The following CD44 variants were observed in gnomAD, a reference collection of about 807,000 sequenced individuals.
CD44 encodes the protein CD44 antigen.
CD44 carries 49 observed loss-of-function variants against 88.8 expected under a neutral mutation model. That is an observed-to-expected ratio of 0.55 (90% CI 0.44 to 0.70). The LOEUF is 0.70. Ranked by LOEUF, CD44 falls within the 30% of genes least tolerant of loss-of-function variation. The pLI is 0.00. For synonymous variants in CD44, 325 were observed against 312.3 expected (o/e 1.04, Z -0.43); for missense variants, 883 against 913.8 (o/e 0.97, Z 0.43).
chr11:35,205,921 G>A (rs1055547216), intron 10 of CD44, 191 bp from the exon 11 acceptor site: 1 of 1,238,864 alleles, frequency 8.1e-7, no homozygotes, highest in South Asian at 3.0e-5. Context: ...TTGCTAAGAA[G>A]AAAATGAGCA....
intron 1 of CD44, among the ~76,000 whole-genome samples, chr11:35,154,357 C>G (rs1418965203): frequency 6.6e-6 from 1 of 152,164 alleles, no homozygotes; most frequent in African/African-American, 2.4e-5. Context: ...GAATGTACAA[C>G]CATTTGGCTC....
intron 17 of CD44, among the ~76,000 whole-genome samples, chr11:35,224,932 G>A (rs1022648623): frequency 7.9e-5 from 12 of 152,070 alleles, no homozygotes; most frequent in South Asian, 2.1e-4. Context: ...TCTACGCATC[G>A]CCATAATTTA....
chr11:35,147,628 T>TC (rs397788402), intron 1 of CD44, among the ~76,000 whole-genome samples: 6 of 151,754 alleles, frequency 4.0e-5, no homozygotes, highest in Non-Finnish European at 8.8e-5. Flanking sequence ...TTTTTTTTTT[T>TC]CAATTTTAGT....
rs1950011383 is a variant in CD44, at chr11:35,230,563, C to T, written c.*1230C>T. On this transcript the variant is annotated 3_prime_UTR_variant, in exon 18 of 18. Coordinates refer to ENST00000428726, the MANE Select transcript of CD44 (RefSeq NM_000610.4). ...ATGGCTGTATTTGTAAACTTAAACACACCAGTGTCTGTTCTTGATGCAGTT... is the reference window on the plus strand; with the variant it reads ...ATGGCTGTATTTGTAAACTTAAACATACCAGTGTCTGTTCTTGATGCAGTT... The T allele has an allele frequency of 1.3e-5, 2 of 152,204 alleles. No individual in the cohort carries two copies. Among genetic ancestry groups the T allele is most frequent in the South Asian group, 2.1e-4 (1 of 4,832 alleles). 9.4% of individuals were successfully genotyped at this position (152,204 alleles called of 1,614,324 possible).
chr11:35,199,050 A>G lies in CD44; in HGVS notation c.922+804A>G, dbSNP rs367921757. Among the ~76,000 whole-genome samples the G allele has an allele frequency of 2.6e-5, 4 of 152,126 alleles. No homozygotes were observed. The South Asian group carries it at 8.3e-4, about 32-fold the overall frequency. On this transcript the variant is annotated intron_variant, in intron 7 of 17. Coordinates refer to ENST00000428726, the MANE Select transcript of CD44 (RefSeq NM_000610.4). ...TGATGGGAGCTAGAACTCAAGAATT[A>G]TCTTAGTTAATCAAAGCCCAGCTGA...
chr11:35,158,710 A>C (rs994428849), intron 1 of CD44, among the ~76,000 whole-genome samples: 5 of 152,238 alleles, frequency 3.3e-5, no homozygotes, highest in African/African-American at 1.2e-4. Context: ...ATTAGCCAAT[A>C]AACTCTCATT....
In CD44 at chr11:35,176,232, C is replaced by A. The variant is rs1276982986; in HGVS notation, c.68-343C>A. Among the ~76,000 whole-genome samples the A allele has an allele frequency of 2.0e-5, 3 of 152,098 alleles. No individual in the cohort carries two copies. In the South Asian group the frequency reaches 6.2e-4, roughly 32 times the overall value. On this transcript the variant is annotated intron_variant, in intron 1 of 17. Coordinates refer to ENST00000428726, the MANE Select transcript of CD44 (RefSeq NM_000610.4). Reference sequence around the variant, plus strand: ...TAATTTTTTATATTTTTAGTAGAGACGGGGTTTCACCGTGTTAGCCAGGAT... The same window carrying A: ...TAATTTTTTATATTTTTAGTAGAGAAGGGGTTTCACCGTGTTAGCCAGGAT...
At chr11:35,198,082 G>T in intron 6 of CD44, 39 bp from the exon 7 acceptor site, 5 of 1,594,458 alleles carry the variant, frequency 3.1e-6, no homozygotes, top group Non-Finnish European at 4.3e-6. Flanking sequence ...TGGGTTGCTT[G>T]GCGTCCAGCT....
At chr11:35,201,223 G>C (rs1013383967) in intron 8 of CD44, 28 bp downstream of exon 8, 2 of 1,501,510 alleles carry the variant, frequency 1.3e-6, no homozygotes, top group Admixed American at 3.3e-5. Context: ...TTTAATGAAA[G>C]ATTTTTTTCC....
At chr11:35,142,257 A>G (rs1333894926) in intron 1 of CD44, among the ~76,000 whole-genome samples, 2 of 152,030 alleles carry the variant, frequency 1.3e-5, no homozygotes, top group African/African-American at 4.8e-5. Context: ...TTCCTCAGGG[A>G]TCTAGAACTA....
chr11:35,214,799 T>G, intron 14 of CD44, 53 bp from the exon 15 acceptor site: 2 of 992,246 alleles, frequency 2.0e-6, no homozygotes. Flanking sequence ...GAAATGCAGA[T>G]GGGAGTGTAA....
intron 12 of CD44, among the ~76,000 whole-genome samples, chr11:35,209,202 A>T (rs1235047896): frequency 1.3e-5 from 2 of 152,144 alleles, no homozygotes; most frequent in Non-Finnish European, 2.9e-5. Flanking sequence ...TCAGGTCAGT[A>T]CCTTTCTTAA....
At chr11:35,159,105 G>A (rs1291634128) in intron 1 of CD44, among the ~76,000 whole-genome samples, 1 of 152,210 alleles carries the variant, frequency 6.6e-6, no homozygotes, top group Non-Finnish European at 1.5e-5. Flanking sequence ...TTTTCATTCT[G>A]AGAAGTTTGG....
intron 15 of CD44, among the ~76,000 whole-genome samples, chr11:35,216,856 C>G (rs1048703371): frequency 6.6e-6 from 1 of 152,198 alleles, no homozygotes; most frequent in East Asian, 1.9e-4. Context: ...CCTACTGAAT[C>G]AGGATCTGCA....
At chr11:35,161,827 T>A (rs1336329439) in intron 1 of CD44, among the ~76,000 whole-genome samples, 2 of 152,098 alleles carry the variant, frequency 1.3e-5, no homozygotes, top group African/African-American at 4.8e-5. Flanking sequence ...TTAATCTGTG[T>A]GCTGGGGGGG....
chr11:35,206,410 C>A (rs1339591062), intron 11 of CD44, among the ~76,000 whole-genome samples, 167 bp downstream of exon 11: 1 of 151,964 alleles, frequency 6.6e-6, no homozygotes, highest in Admixed American at 6.6e-5. Context: ...CTCATATTCA[C>A]CTGAATATGA....
chr11:35,189,977 C>T lies in CD44; in HGVS notation c.579C>T (p.Tyr193=). Residue 193 remains tyrosine, a synonymous_variant, in exon 5 of 18, where the codon TAC becomes TAT. Transcript: ENST00000428726. ...AAAGGAGCAGCACTTCAGGAGGTTA[C>T]ATCTTTTACACCTTTTCTACTGTAC... ...SSERSSTSGG[Y]IFYTFSTVHP... 1 of 1,614,170 alleles carries T rather than the reference C, an allele frequency of 6.2e-7. No individual in the cohort carries two copies. Among genetic ancestry groups the T allele is most frequent in the South Asian group, 1.1e-5 (1 of 91,088 alleles).
intron 2 of CD44, among the ~76,000 whole-genome samples, chr11:35,177,436 C>T (rs1025002190): frequency 6.6e-6 from 1 of 152,184 alleles, no homozygotes; most frequent in African/African-American, 2.4e-5. Context: ...GAGCAAGCCA[C>T]GGTGGCAATC....
chr11:35,160,945 A>G (rs1049971036), intron 1 of CD44, among the ~76,000 whole-genome samples: 3 of 152,130 alleles, frequency 2.0e-5, no homozygotes, highest in Admixed American at 1.3e-4. Flanking sequence ...TCTCCAATCT[A>G]TCCTCTCTAT....
Sources: allele counts gnomAD v4.1 joint callset (sites outside exome capture counted in the v4.1 genomes callset), GRCh38; gene constraint gnomAD v4.1.1; transcripts MANE v1.5; gene names NCBI Gene and HGNC (gene_info 2026-07-23, HGNC 2026-07-21).